DPY19L4: variants seen among roughly 807,000 people sequenced by gnomAD.
DPY19L4 encodes the protein probable C-mannosyltransferase DPY19L4.
In DPY19L4, 97 loss-of-function variants were observed where a neutral mutation model predicts 102.8. That is an observed-to-expected ratio of 0.94 (90% CI 0.80 to 1.12). DPY19L4 has a LOEUF of 1.12. Among genes scored for constraint, DPY19L4 ranks in the 50% most tolerant of loss-of-function variants. The probability of loss-of-function intolerance (pLI) is 0.00; values close to 1 mark genes in which losing one functional copy is unlikely to be tolerated. For synonymous variants in DPY19L4, 252 were observed against 283.1 expected (o/e 0.89, Z 1.10); for missense variants, 815 against 850.4 (o/e 0.96, Z 0.52).
At chr8:94,765,418 C>A (rs1812630231) in intron 9 of DPY19L4, 104 bp downstream of exon 9, 2 of 1,119,914 alleles carry the variant, frequency 1.8e-6, no homozygotes, top group Non-Finnish European at 2.5e-6. Context: ...TCACTGCAAC[C>A]TCTGCCTCCC....
chr8:94,728,581 A>T (rs947087714), intron 2 of DPY19L4, among the ~76,000 whole-genome samples: 2 of 152,238 alleles, frequency 1.3e-5, no homozygotes, highest in African/African-American at 2.4e-5. Flanking sequence ...TAATCTACAA[A>T]TCTAGGTGAG....
intron 16 of DPY19L4, among the ~76,000 whole-genome samples, chr8:94,782,613 C>CA (rs1813480931): frequency 6.6e-6 from 1 of 151,126 alleles, no homozygotes; most frequent in Admixed American, 6.6e-5. Context: ...GAAATACTAT[C>CA]AAAAAAGACC....
At chr8:94,764,484 G>A (rs917351215) in intron 8 of DPY19L4, among the ~76,000 whole-genome samples, 1 of 149,746 alleles carries the variant, frequency 6.7e-6, no homozygotes, top group Admixed American at 6.7e-5. Flanking sequence ...GCTGAGGCAG[G>A]AGAATGGCGT....
At chr8:94,774,708 A>G (rs1381814587) in intron 13 of DPY19L4, among the ~76,000 whole-genome samples, 2 of 151,198 alleles carry the variant, frequency 1.3e-5, no homozygotes, top group Non-Finnish European at 3.0e-5. Context: ...CTCCTGAGTA[A>G]CTGGGATTAC....
At chr8:94,744,193 A>C (rs1811569076) in intron 6 of DPY19L4, 1 of 358,826 alleles carries the variant, frequency 2.8e-6, no homozygotes, top group Non-Finnish European at 5.5e-6. Flanking sequence ...TTCAGTTATG[A>C]TGTTGGCTTG....
chr8:94,771,978 G>A (rs1157978572), intron 13 of DPY19L4, among the ~76,000 whole-genome samples: 1 of 151,946 alleles, frequency 6.6e-6, no homozygotes, highest in Non-Finnish European at 1.5e-5. Flanking sequence ...ATTTGTTAAG[G>A]CAAAATAGGT....
intron 8 of DPY19L4, among the ~76,000 whole-genome samples, chr8:94,764,689 G>GTGTGTGTGTGTGTGTGTATATATATA: frequency 2.3e-5 from 1 of 43,212 alleles, no homozygotes; most frequent in African/African-American, 1.1e-4. Flanking sequence ...GTCTGTGTGT[G>GTGTGTGTGTGTGTGTGTATATATATA]TATATATATA....
chr8:94,744,232 C>A, intron 6 of DPY19L4: 1 of 403,530 alleles, frequency 2.5e-6, no homozygotes, highest in Non-Finnish European at 4.9e-6. Flanking sequence ...CCTGGCTGGG[C>A]TGAAGCATCT....
At position 94,770,572 on chromosome 8, in the gene DPY19L4, G is replaced by A. The variant is rs867930683; in HGVS notation, c.1454+1G>A. On this transcript the variant is annotated splice_donor_variant, in intron 13 of 18. Transcript: ENST00000414645. LOFTEE classifies it high-confidence loss of function. The stretch of plus-strand genomic sequence containing the variant: ...GTTCTCTTGCAATGGTTATAGAAGG[G>A]TAAGTGTACTTTATTTGATCCCTTT... The A allele has an allele frequency of 3.7e-6, 6 of 1,612,822 alleles. No individual in the cohort carries two copies. The highest frequency in any genetic ancestry group is 5.1e-6 in the Non-Finnish European group (6 of 1,179,484).
chr8:94,723,517 G>T (rs903811748), intron 1 of DPY19L4, among the ~76,000 whole-genome samples: 2 of 151,536 alleles, frequency 1.3e-5, no homozygotes, highest in Admixed American at 1.3e-4. Flanking sequence ...GAATTACATC[G>T]CAGAGCTTTC....
intron 2 of DPY19L4, among the ~76,000 whole-genome samples, chr8:94,727,640 CA>C (rs1810748905): frequency 6.6e-6 from 1 of 152,178 alleles, no homozygotes; most frequent in Admixed American, 6.5e-5. Flanking sequence ...TCCAAATTTC[CA>C]CTCCAACAGA....
intron 1 of DPY19L4, chr8:94,720,338 C>A: frequency 1.1e-6 from 1 of 887,458 alleles, no homozygotes; most frequent in Non-Finnish European, 1.4e-6. Context: ...AAGTGGGAGG[C>A]GCAGTTTGGT....
rs557194069 is a variant in DPY19L4 at position 94,734,747 on chromosome 8, A to G, written c.245A>G (p.Asn82Ser). 2.5e-6 allele frequency: 4 copies of G among 1,613,714 alleles called. No individual in the cohort carries two copies. The African/African-American group carries it at 4.0e-5, about 16-fold the overall frequency. The part of the protein sequence containing the change: ...AYHERKFWFS[N>S]RQELEREITF... The stretch of plus-strand genomic sequence containing the variant: ...CATGAACGGAAATTCTGGTTTTCCA[A>G]CAGGCAGGTAAGAAGAAAGAATTTT... The change falls in exon 3 of 19, where the codon AAC (asparagine) becomes AGC (serine). Residue 82 changes from asparagine (N) to serine (S), a missense_variant. Coordinates refer to ENST00000414645, the MANE Select transcript of DPY19L4 (RefSeq NM_181787.3).
chr8:94,769,738 T>C (rs997699750), intron 12 of DPY19L4, among the ~76,000 whole-genome samples: 1 of 152,072 alleles, frequency 6.6e-6, no homozygotes, highest in Admixed American at 6.5e-5. Flanking sequence ...CTTTGATGTT[T>C]TTATCATGTT....
intron 7 of DPY19L4, among the ~76,000 whole-genome samples, chr8:94,758,099 A>G (rs1014600927): frequency 2.6e-5 from 4 of 152,070 alleles, no homozygotes; most frequent in African/African-American, 9.7e-5. Flanking sequence ...CAACAGAGTA[A>G]GACTCCATCT....
At chr8:94,740,453 T>G (rs548876068) in intron 6 of DPY19L4, among the ~76,000 whole-genome samples, 3 of 152,014 alleles carry the variant, frequency 2.0e-5, no homozygotes, top group Admixed American at 1.3e-4. Flanking sequence ...TTTGGTTTTG[T>G]TTTTGTTTTT....
intron 6 of DPY19L4, among the ~76,000 whole-genome samples, chr8:94,745,891 A>G (rs1811649276): frequency 6.6e-6 from 1 of 151,858 alleles, no homozygotes; most frequent in Non-Finnish European, 1.5e-5. Context: ...AGTAGCTGGG[A>G]CTACAGGCAT....
At chr8:94,788,171 G>C in intron 18 of DPY19L4, 119 bp downstream of exon 18, 1 of 472,748 alleles carries the variant, frequency 2.1e-6, no homozygotes, top group South Asian at 9.0e-5. Flanking sequence ...GAATATAATT[G>C]AGTTATGTAA....
At chr8:94,766,548 G>A (rs1812682058) in intron 10 of DPY19L4, 64 bp from the exon 11 acceptor site, 1 of 1,469,530 alleles carries the variant, frequency 6.8e-7, no homozygotes. Context: ...CTAGTATTGG[G>A]GAAAGCATAT....
Sources: allele counts gnomAD v4.1 joint callset (sites outside exome capture counted in the v4.1 genomes callset), GRCh38; gene constraint gnomAD v4.1.1; transcripts MANE v1.5; gene names NCBI Gene and HGNC (gene_info 2026-07-23, HGNC 2026-07-21).